Variants in ARHGAP24 observed in about 807,000 individuals in gnomAD.
ARHGAP24 encodes Rho GTPase activating protein 24.
ARHGAP24 carries 50 observed loss-of-function variants against 76.4 expected under a neutral mutation model. The ratio of observed to expected loss-of-function variants is 0.65; its 90% CI spans 0.52 to 0.83. The LOEUF (loss-of-function observed/expected upper bound fraction) is 0.83, where lower values mean the gene tolerates loss of function less well. ARHGAP24 is among the 40% of genes least tolerant of loss of function. ARHGAP24 has a pLI of 0.00. For missense variants in ARHGAP24, 930 were observed against 914.2 expected (o/e 1.02, Z -0.22); for synonymous variants, 345 against 323.3 (o/e 1.07, Z -0.72).
At chr4:85,744,729 A>G (rs2110062703) in intron 3 of ARHGAP24, among the ~76,000 whole-genome samples, 1 of 152,376 alleles carries the variant, frequency 6.6e-6, no homozygotes, top group Admixed American at 6.5e-5. Context: ...TTGTAACAAA[A>G]GAGACTTGAA....
At chr4:85,640,667 G>A (rs922772615) in intron 2 of ARHGAP24, among the ~76,000 whole-genome samples, 10 of 152,202 alleles carry the variant, frequency 6.6e-5, no homozygotes, top group Non-Finnish European at 4.4e-5. Context: ...TGCCCTCAAA[G>A]GATTTATAAT....
chr4:85,585,871 A>G (rs1289306170), intron 2 of ARHGAP24, among the ~76,000 whole-genome samples: 1 of 152,134 alleles, frequency 6.6e-6, no homozygotes, highest in Non-Finnish European at 1.5e-5. Flanking sequence ...GAAAAGTGCC[A>G]ATTATCTCTT....
intron 3 of ARHGAP24, among the ~76,000 whole-genome samples, chr4:85,735,476 A>T (rs1054514184): frequency 6.6e-6 from 1 of 152,102 alleles, no homozygotes; most frequent in Non-Finnish European, 1.5e-5. Flanking sequence ...TTTAATCCTC[A>T]TAATAATTGC....
chr4:85,965,259 C>A (rs770301313), intron 5 of ARHGAP24, among the ~76,000 whole-genome samples: 2 of 152,044 alleles, frequency 1.3e-5, no homozygotes, highest in African/African-American at 2.4e-5. Context: ...GGCAGGCAGA[C>A]TCCCCATTTT....
intron 2 of ARHGAP24, among the ~76,000 whole-genome samples, chr4:85,599,602 A>G (rs1280008906): frequency 3.9e-5 from 6 of 152,180 alleles, no homozygotes; most frequent in Non-Finnish European, 7.4e-5. Flanking sequence ...ATGTAACAGC[A>G]TGGCACCTCA....
At position 85,723,996 on chromosome 4, in the gene ARHGAP24, AATGG is replaced by A. The variant is rs879422703; in HGVS notation, c.268+2025_268+2028del. Among the ~76,000 whole-genome samples, 378 of 152,274 alleles carry A rather than the reference AATGG, an allele frequency of 2.5e-3. 2 individuals are homozygous for A. Among genetic ancestry groups the A allele is most frequent in the African/African-American group, 8.7e-3 (362 of 41,560 alleles). Reference sequence around the variant, plus strand: ...CAAGATAATATTTTTCAATTTTTTCAATGGTGTAATTGTTTAACATGATAATTTG... The same window carrying A: ...CAAGATAATATTTTTCAATTTTTTCATGTAATTGTTTAACATGATAATTTG... On this transcript the variant is annotated intron_variant, in intron 3 of 9. Coordinates refer to ENST00000395184, the MANE Select transcript of ARHGAP24 (RefSeq NM_001025616.3).
chr4:85,704,034 C>T (rs1724206831), intron 2 of ARHGAP24, among the ~76,000 whole-genome samples: 1 of 152,120 alleles, frequency 6.6e-6, no homozygotes, highest in South Asian at 2.1e-4. Flanking sequence ...TAGCATGTAA[C>T]CTTTGAGCCT....
At chr4:85,623,015 G>A (rs4693724) in intron 2 of ARHGAP24, among the ~76,000 whole-genome samples, 141,692 of 152,138 alleles carry the variant, frequency 0.93, 66,024 homozygotes, top group East Asian at 0.98. Context: ...TCAGATGAGT[G>A]GGTTGCAAAG....
chr4:85,862,249 T>C (rs1377151905), intron 3 of ARHGAP24, among the ~76,000 whole-genome samples: 2 of 151,946 alleles, frequency 1.3e-5, no homozygotes, highest in African/African-American at 2.4e-5. Context: ...AGCAGATTCA[T>C]AGAGACTCCA....
At chr4:85,499,513 A>G (rs1292352504) in intron 1 of ARHGAP24, among the ~76,000 whole-genome samples, 1 of 152,190 alleles carries the variant, frequency 6.6e-6, no homozygotes, top group Non-Finnish European at 1.5e-5. Flanking sequence ...CAAGGTCTAA[A>G]TATTTGAAGC....
intron 2 of ARHGAP24, among the ~76,000 whole-genome samples, chr4:85,642,861 T>C (rs560816237): frequency 4.9e-4 from 74 of 152,274 alleles, no homozygotes; most frequent in African/African-American, 1.7e-3. Context: ...AATAGTCCCG[T>C]CGTTCTCAGA....
At chr4:85,846,557 G>A (rs1730896852) in intron 3 of ARHGAP24, among the ~76,000 whole-genome samples, 1 of 152,182 alleles carries the variant, frequency 6.6e-6, no homozygotes, top group Non-Finnish European at 1.5e-5. Context: ...ATTTCTGTTG[G>A]ATAAAACTAT....
At chr4:85,840,509 G>A (rs907365149) in intron 3 of ARHGAP24, among the ~76,000 whole-genome samples, 1 of 152,124 alleles carries the variant, frequency 6.6e-6, no homozygotes, top group Admixed American at 6.5e-5. Flanking sequence ...CACTCTACAC[G>A]TGCCATGTCT....
chr4:85,520,797 A>G (rs775865890), intron 1 of ARHGAP24, among the ~76,000 whole-genome samples: 3 of 152,188 alleles, frequency 2.0e-5, no homozygotes, highest in Non-Finnish European at 4.4e-5. Flanking sequence ...TGATGGATGA[A>G]TATGTGAAAA....
At chr4:85,534,393 G>A (rs1725383987) in intron 1 of ARHGAP24, among the ~76,000 whole-genome samples, 1 of 152,156 alleles carries the variant, frequency 6.6e-6, no homozygotes, top group Non-Finnish European at 1.5e-5. Flanking sequence ...GCAGGAAGAA[G>A]CTAGAAAGTG....
At chr4:85,721,122 G>T (rs1031061336) in intron 2 of ARHGAP24, among the ~76,000 whole-genome samples, 3 of 152,310 alleles carry the variant, frequency 2.0e-5, no homozygotes, top group Admixed American at 1.3e-4. Context: ...ATAGCTGGGC[G>T]TGGTGGCTCA....
chr4:85,660,555 T>G (rs1416017226), intron 2 of ARHGAP24, among the ~76,000 whole-genome samples: 1 of 151,796 alleles, frequency 6.6e-6, no homozygotes, highest in Non-Finnish European at 1.5e-5. Flanking sequence ...CCCAGCACTT[T>G]GGGAGGCTGA....
At chr4:85,476,762 A>G (rs1363360675) in intron 1 of ARHGAP24, among the ~76,000 whole-genome samples, 5 of 152,246 alleles carry the variant, frequency 3.3e-5, no homozygotes, top group Admixed American at 3.3e-4. Context: ...ATTGTAAAAT[A>G]AAACACACAG....
rs554374965 is a variant in ARHGAP24, at chr4:85,717,572, T to G, written c.181-4313T>G. Among the ~76,000 whole-genome samples, 5 of 152,232 alleles carry G rather than the reference T, an allele frequency of 3.3e-5. No individual in the cohort carries two copies. The South Asian group carries it at 1.0e-3, about 32-fold the overall frequency. The stretch of plus-strand genomic sequence containing the variant: ...TTCACTTCCTAATTATTCCTCCACA[T>G]GGGTCTTTTGCTTATTGTAATGTAC... On this transcript the variant is annotated intron_variant, in intron 2 of 9. Transcript: ENST00000395184.
Sources: allele counts gnomAD v4.1 joint callset (sites outside exome capture counted in the v4.1 genomes callset), GRCh38; gene constraint gnomAD v4.1.1; transcripts MANE v1.5; gene names NCBI Gene and HGNC (gene_info 2026-07-23, HGNC 2026-07-21).